The following IRAK2 variants were observed in gnomAD, a reference collection of about 807,000 sequenced individuals.
IRAK2 encodes interleukin 1 receptor associated kinase 2.
Under a neutral mutation model 72.0 loss-of-function variants are expected in IRAK2, and 57 were observed. The observed-to-expected ratio is 0.79, with a 90% CI of 0.64 to 0.99. IRAK2 has a LOEUF of 0.99. IRAK2 is among the 50% of genes least tolerant of loss of function. IRAK2 has a pLI of 0.00. For synonymous variants in IRAK2, 293 were observed against 312.7 expected, an observed-to-expected ratio of 0.94 and a Z score of 0.67; for missense variants, 790 against 794.4, an observed-to-expected ratio of 0.99 and a Z score of 0.07.
At chr3:10,237,966 TGAA>T (rs1363587739) in intron 11 of IRAK2, among the ~76,000 whole-genome samples, 1 of 150,746 alleles carries the variant, frequency 6.6e-6, no homozygotes, top group East Asian at 2.0e-4. Flanking sequence ...TGTGTGTGTG[TGAA>T]GAAGAAACAT....
intron 2 of IRAK2, among the ~76,000 whole-genome samples, chr3:10,195,487 G>A (rs888413591): frequency 2.6e-5 from 4 of 152,018 alleles, no homozygotes; most frequent in Non-Finnish European, 5.9e-5. Context: ...AGGAGTTTGA[G>A]GCTGCAGTGA....
chr3:10,229,385 G>A (rs1007447555), intron 10 of IRAK2, among the ~76,000 whole-genome samples: 1 of 152,200 alleles, frequency 6.6e-6, no homozygotes, highest in South Asian at 2.1e-4. Flanking sequence ...AAATTGTGAG[G>A]ATTACAGGTG....
chr3:10,206,491 A>G (rs1213682286), intron 3 of IRAK2, among the ~76,000 whole-genome samples: 1 of 152,256 alleles, frequency 6.6e-6, no homozygotes, highest in Non-Finnish European at 1.5e-5. Context: ...TCATGTTATC[A>G]GCTATCTGTG....
chr3:10,167,529 T>C (rs376108107), intron 1 of IRAK2, among the ~76,000 whole-genome samples: 91 of 152,120 alleles, frequency 6.0e-4, no homozygotes, highest in African/African-American at 1.6e-3. Context: ...ATTCTCCTGC[T>C]TCAGCCTCCC....
intron 2 of IRAK2, among the ~76,000 whole-genome samples, chr3:10,194,264 C>T (rs889222292): frequency 1.3e-4 from 20 of 152,256 alleles, no homozygotes; most frequent in Non-Finnish European, 2.5e-4. Flanking sequence ...CGCTTCCCCA[C>T]GCTTACTCTT....
chr3:10,216,734 T>C (rs1697609736), intron 6 of IRAK2, among the ~76,000 whole-genome samples, 200 bp from the exon 7 acceptor site: 1 of 152,096 alleles, frequency 6.6e-6, no homozygotes, highest in Non-Finnish European at 1.5e-5. Flanking sequence ...TAAAGCAGGA[T>C]GAGGACCACC....
At position 10,192,023 on chromosome 3, in the gene IRAK2, A is replaced by AGTGTGTGTGTGT. The variant is rs56802078; in HGVS notation, c.278-8319_278-8308dup. On this transcript the variant is annotated intron_variant, in intron 2 of 12. Transcript: ENST00000256458. ...CATTTCAGGTCTAGCTTGAGTTGGG[A>AGTGTGTGTGTGT]GTGTGTGTGTGTGTGTGTGTGTGTG... Among the ~76,000 whole-genome samples the AGTGTGTGTGTGT allele has an allele frequency of 1.6e-3, 223 of 135,786 alleles. 1 individual carries two copies. Among genetic ancestry groups the AGTGTGTGTGTGT allele is most frequent in the African/African-American group, 5.2e-3 (191 of 36,782 alleles). The allele number at this position is 135,786 out of a possible 152,430, so 89.1% of individuals were successfully genotyped here. A position where few individuals can be genotyped will look rare whatever the true frequency, so the allele number is the denominator to read the frequency against.
chr3:10,234,855 G>A (rs1697927995), intron 11 of IRAK2, among the ~76,000 whole-genome samples, 196 bp downstream of exon 11: 1 of 152,178 alleles, frequency 6.6e-6, no homozygotes, highest in Non-Finnish European at 1.5e-5. Context: ...GGTATTGCAG[G>A]GCCTCAGGGC....
intron 11 of IRAK2, among the ~76,000 whole-genome samples, chr3:10,235,687 G>A (rs1559454220): frequency 1.3e-5 from 2 of 152,116 alleles, no homozygotes; most frequent in Non-Finnish European, 1.5e-5. Context: ...GGGTTCTCTG[G>A]AAAGGGTTTG....
At chr3:10,198,105 A>G (rs776725838) in intron 2 of IRAK2, among the ~76,000 whole-genome samples, 3 of 152,172 alleles carry the variant, frequency 2.0e-5, no homozygotes, top group Non-Finnish European at 4.4e-5. Flanking sequence ...AGGCTGAGGC[A>G]GGAGAATGGC....
intron 2 of IRAK2, among the ~76,000 whole-genome samples, chr3:10,190,497 C>G (rs973229362): frequency 1.3e-5 from 2 of 151,884 alleles, no homozygotes; most frequent in Non-Finnish European, 2.9e-5. Context: ...GTCACTTGAC[C>G]TTTTCCTTCC....
In IRAK2 at chr3:10,231,942, T is replaced by A. The variant is rs566701105; in HGVS notation, c.1273-2517T>A. Among the ~76,000 whole-genome samples the A allele has an allele frequency of 2.6e-5, 4 of 152,090 alleles. No homozygotes were observed. The East Asian group carries it at 7.8e-4, about 30-fold the overall frequency. ...GAGATCGAGACCATCCTGGCTAACATGGTGAAACCCCGTCTCTACTAAAAA... is the reference window on the plus strand; with the variant it reads ...GAGATCGAGACCATCCTGGCTAACAAGGTGAAACCCCGTCTCTACTAAAAA... On this transcript the variant is annotated intron_variant, in intron 10 of 12. Transcript: ENST00000256458.
At chr3:10,190,021 A>T (rs1022505759) in intron 2 of IRAK2, among the ~76,000 whole-genome samples, 1 of 151,712 alleles carries the variant, frequency 6.6e-6, no homozygotes, top group Non-Finnish European at 1.5e-5. Context: ...ATCTTTTCTC[A>T]CAACTCTTAT....
At chr3:10,219,913 C>A in intron 8 of IRAK2, 124 bp downstream of exon 8, 1 of 666,182 alleles carries the variant, frequency 1.5e-6, no homozygotes, top group Non-Finnish European at 2.7e-6. Context: ...TTCCTACCTC[C>A]TCTCCTCTGC....
At chr3:10,223,290 C>T (rs1224223768) in intron 9 of IRAK2, among the ~76,000 whole-genome samples, 1 of 152,190 alleles carries the variant, frequency 6.6e-6, no homozygotes, top group Non-Finnish European at 1.5e-5. Flanking sequence ...CATCCATCTA[C>T]CCTTTAGCTG....
intron 10 of IRAK2, among the ~76,000 whole-genome samples, chr3:10,232,945 T>C (rs1697881369): frequency 6.6e-6 from 1 of 152,124 alleles, no homozygotes; most frequent in Non-Finnish European, 1.5e-5. Flanking sequence ...GTGCCTATAG[T>C]CCCAGCTACT....
rs1343529993 is a variant in IRAK2 at position 10,165,025 on chromosome 3, G to C, written c.71G>C (p.Ser24Thr). 1 of 1,611,622 alleles carries C rather than the reference G, an allele frequency of 6.2e-7. No individual in the cohort carries two copies. The highest frequency in any genetic ancestry group is 1.3e-5 in the African/African-American group (1 of 74,930). ...CTGTGCCGCAACATGGACGCGCTCA[G>C]CGAGTGGGACTGGATGGAGTTCGGT... ...DDLCRNMDAL[S>T]EWDWMEFASY... The change falls in exon 1 of 13, where the codon AGC becomes ACC. Residue 24 changes from serine (S) to threonine (T), a missense_variant. Ser to Thr is a moderately conservative substitution (Grantham distance 58). Coordinates refer to ENST00000256458, the MANE Select transcript of IRAK2 (RefSeq NM_001570.4).
chr3:10,239,383 C>A (rs1575994275), intron 12 of IRAK2, among the ~76,000 whole-genome samples: 1 of 152,316 alleles, frequency 6.6e-6, no homozygotes, highest in East Asian at 1.9e-4. Flanking sequence ...TCACTAGGTC[C>A]TTCTCCAGGA....
At chr3:10,175,501 C>G (rs1056934576) in intron 1 of IRAK2, among the ~76,000 whole-genome samples, 10 of 152,122 alleles carry the variant, frequency 6.6e-5, no homozygotes, top group African/African-American at 2.4e-4. Flanking sequence ...CACCTGCAAT[C>G]CCAGCACTTT....
Sources: allele counts gnomAD v4.1 joint callset (sites outside exome capture counted in the v4.1 genomes callset), GRCh38; gene constraint gnomAD v4.1.1; transcripts MANE v1.5; gene names NCBI Gene and HGNC (gene_info 2026-07-23, HGNC 2026-07-21).